MARCHF8: variants seen among roughly 807,000 people sequenced by gnomAD.
The protein encoded by MARCHF8 is membrane associated ring-CH-type finger 8.
A neutral mutation model predicts 51.6 loss-of-function variants in MARCHF8; 40 were observed. The ratio of observed to expected loss-of-function variants is 0.77; its 90% CI spans 0.60 to 1.01. The LOEUF (loss-of-function observed/expected upper bound fraction) is 1.01. Among genes scored for constraint, MARCHF8 ranks in the 50% least tolerant of loss-of-function variants. MARCHF8 has a pLI of 0.00. For synonymous variants in MARCHF8, 263 were observed against 280.3 expected (o/e 0.94, Z 0.62); for missense variants, 685 against 708.6 (o/e 0.97, Z 0.38).
intron 2 of MARCHF8, among the ~76,000 whole-genome samples, chr10:45,518,567 C>T (rs566479396): frequency 3.9e-5 from 6 of 152,294 alleles, no homozygotes; most frequent in African/African-American, 1.2e-4. Flanking sequence ...CAAAACCTGC[C>T]TCCTCAAACA....
At chr10:45,489,518 A>C in intron 2 of MARCHF8, 101 bp from the exon 3 acceptor site, 1 of 1,121,142 alleles carries the variant, frequency 8.9e-7, no homozygotes, top group Non-Finnish European at 1.3e-6. Context: ...TCATTCCCTG[A>C]ACTAGAATTT....
chr10:45,563,221 C>G (rs1421401287), intron 1 of MARCHF8, among the ~76,000 whole-genome samples: 1 of 152,028 alleles, frequency 6.6e-6, no homozygotes, highest in Non-Finnish European at 1.5e-5. Flanking sequence ...GAGACACTGT[C>G]TCACTTTGTT....
intron 1 of MARCHF8, among the ~76,000 whole-genome samples, chr10:45,556,562 T>C (rs145599603): frequency 6.6e-6 from 1 of 152,332 alleles, no homozygotes; most frequent in African/African-American, 2.4e-5. Flanking sequence ...TTTTGAAACT[T>C]TGATGTATGA....
At chr10:45,468,089 T>C (rs1225528818) in intron 3 of MARCHF8, among the ~76,000 whole-genome samples, 1 of 152,264 alleles carries the variant, frequency 6.6e-6, no homozygotes, top group Non-Finnish European at 1.5e-5. Context: ...TTTTATTTCT[T>C]AGAAATGATA....
intron 1 of MARCHF8, among the ~76,000 whole-genome samples, chr10:45,576,308 G>C (rs2044488704): frequency 6.6e-6 from 1 of 152,138 alleles, no homozygotes; most frequent in African/African-American, 2.4e-5. Context: ...ATCCAATACA[G>C]AACAATGATG....
chr10:45,484,581 C>G (rs2042947335), intron 3 of MARCHF8, among the ~76,000 whole-genome samples: 1 of 152,170 alleles, frequency 6.6e-6, no homozygotes, highest in African/African-American at 2.4e-5. Flanking sequence ...ACACTGCTAT[C>G]ATTACAAACT....
At chr10:45,512,491 G>C (rs1286394361) in intron 2 of MARCHF8, among the ~76,000 whole-genome samples, 5 of 151,012 alleles carry the variant, frequency 3.3e-5, no homozygotes, top group Non-Finnish European at 5.9e-5. Context: ...GAGCCCCTCT[G>C]CCCGGCCAGC....
At position 45,489,437 on chromosome 10, in the gene MARCHF8, G is replaced by A; in HGVS notation, c.103-20C>T. The A allele has an allele frequency of 1.3e-6, 2 of 1,597,684 alleles. No homozygotes were observed. The highest frequency in any genetic ancestry group is 1.7e-6 in the Non-Finnish European group (2 of 1,168,092). On this transcript the variant is annotated intron_variant, in intron 2 of 7. Transcript: ENST00000453424. ...CTCATTCTGCAAGAAAATCAAACAG[G>A]TTTTAATTATCAATCTTTGATTAAA...
At chr10:45,475,766 A>C (rs1005613599) in intron 3 of MARCHF8, among the ~76,000 whole-genome samples, 3 of 152,170 alleles carry the variant, frequency 2.0e-5, no homozygotes, top group African/African-American at 2.4e-5. Context: ...GAGGTCCCCC[A>C]AAAATAACCC....
intron 2 of MARCHF8, among the ~76,000 whole-genome samples, chr10:45,519,906 T>C (rs1340580344): frequency 6.6e-6 from 1 of 152,164 alleles, no homozygotes; most frequent in East Asian, 1.9e-4. Context: ...AGCTCCCTAG[T>C]TTCTAGCCCA....
rs1470889459 is a variant in MARCHF8 at position 45,463,585 on chromosome 10, AAC to A, written c.652_653del (p.Val218PhefsTer32). On this transcript the variant is annotated frameshift_variant, in exon 5 of 8. Coordinates refer to ENST00000453424, the MANE Select transcript of MARCHF8 (RefSeq NM_001282866.2). LOFTEE classifies it high-confidence loss of function. ...TTGAGCGACCGGCAGAAAGGCATGA[AAC>A]ACAAGAATGTTTGGAATTGCCAAGA... Reference protein sequence around the residue: ...KPLGNSKHSCVSCLSAGRSTA... With the variant: ...KPLGNSKHSCXSCLSAGRSTA... 1 of 1,550,664 alleles carries A rather than the reference AAC, an allele frequency of 6.4e-7. No homozygotes were observed. Among genetic ancestry groups the A allele is most frequent in the Non-Finnish European group, 8.7e-7 (1 of 1,147,014 alleles).
chr10:45,587,885 T>TA (rs1391047288), intron 1 of MARCHF8, among the ~76,000 whole-genome samples: 2 of 152,112 alleles, frequency 1.3e-5, no homozygotes, highest in African/African-American at 4.8e-5. Flanking sequence ...CAAATGATAT[T>TA]AAAAAATGTA....
intron 1 of MARCHF8, among the ~76,000 whole-genome samples, chr10:45,578,948 T>C (rs960776216): frequency 6.6e-6 from 1 of 152,064 alleles, no homozygotes; most frequent in Admixed American, 6.5e-5. Context: ...TAAAGAAATA[T>C]GATAATTTCA....
chr10:45,487,932 C>T (rs548541885), intron 3 of MARCHF8, among the ~76,000 whole-genome samples: 2 of 151,924 alleles, frequency 1.3e-5, no homozygotes, highest in East Asian at 3.9e-4. Flanking sequence ...GTGTGTTTGG[C>T]CATATGCCAA....
rs1383309096 is a variant in MARCHF8, at chr10:45,456,653, C to A, written c.*1586G>T. On this transcript the variant is annotated 3_prime_UTR_variant, in exon 8 of 8. Coordinates refer to ENST00000453424, the MANE Select transcript of MARCHF8 (RefSeq NM_001282866.2). ...CAGGACCCCCAGCATCTCCCATCTC[C>A]TCCGTGCAGGCTGGGTGAGAGAATG... 1.3e-5 allele frequency: 2 copies of A among 152,300 alleles called. No homozygotes were observed. Among genetic ancestry groups the A allele is most frequent in the Non-Finnish European group, 2.9e-5 (2 of 68,138 alleles). The allele number at this position is 152,300 out of a possible 1,614,324, so 9.4% of individuals were successfully genotyped here. A position where few individuals can be genotyped will look rare whatever the true frequency, so the allele number is the denominator to read the frequency against.
chr10:45,592,470 G>A (rs964277051), intron 1 of MARCHF8, among the ~76,000 whole-genome samples: 1 of 151,970 alleles, frequency 6.6e-6, no homozygotes, highest in African/African-American at 2.4e-5. Flanking sequence ...TTTACGGGGG[G>A]GAAAAAGCAC....
intron 3 of MARCHF8, among the ~76,000 whole-genome samples, chr10:45,484,895 C>A (rs1284979451): frequency 1.3e-5 from 2 of 152,130 alleles, no homozygotes; most frequent in Non-Finnish European, 2.9e-5. Flanking sequence ...GCCCAGGTCA[C>A]CTTAGATGTG....
At chr10:45,576,100 GA>G (rs2044486655) in intron 1 of MARCHF8, among the ~76,000 whole-genome samples, 1 of 152,154 alleles carries the variant, frequency 6.6e-6, no homozygotes, top group Non-Finnish European at 1.5e-5. Flanking sequence ...TAAACTATCT[GA>G]CTTCAAGGCT....
intron 1 of MARCHF8, among the ~76,000 whole-genome samples, chr10:45,574,953 A>G (rs1324654664): frequency 3.5e-5 from 5 of 143,068 alleles, no homozygotes; most frequent in Admixed American, 3.5e-4. Flanking sequence ...CTGCACCACC[A>G]TGCTGTTATA....
Sources: allele counts gnomAD v4.1 joint callset (sites outside exome capture counted in the v4.1 genomes callset), GRCh38; gene constraint gnomAD v4.1.1; transcripts MANE v1.5; gene names NCBI Gene and HGNC (gene_info 2026-07-23, HGNC 2026-07-21).